Variants in FGF13 observed in about 807,000 individuals in gnomAD.
FGF13 encodes the protein fibroblast growth factor homologous factor 2.
In FGF13, 2 loss-of-function variants were observed where a neutral mutation model predicts 19.5. The observed-to-expected ratio is 0.10, with a 90% CI of 0.04 to 0.32. The LOEUF (loss-of-function observed/expected upper bound fraction) is 0.32, where lower values mean the gene tolerates loss of function less well. Among genes scored for constraint, FGF13 ranks in the 10% least tolerant of loss-of-function variants. The pLI is 1.00. For synonymous variants in FGF13, 72 were observed against 76.9 expected, an observed-to-expected ratio of 0.94 and a Z score of 0.33; for missense variants, 113 against 192.7, an observed-to-expected ratio of 0.59 and a Z score of 2.45.
At chrX:138,642,550 G>C (rs1046254170) in intron 3 of FGF13, among the ~76,000 whole-genome samples, 1 of 111,306 alleles carries the variant, frequency 9.0e-6, no homozygotes, top group Non-Finnish European at 1.9e-5. Flanking sequence ...CTGATAATAC[G>C]GGCCCAGAAA....
At chrX:139,019,630 G>A (rs1287314055) in intron 1 of FGF13, among the ~76,000 whole-genome samples, 1 of 110,624 alleles carries the variant, frequency 9.0e-6, no homozygotes, top group Non-Finnish European at 1.9e-5. Flanking sequence ...TATAACTGAG[G>A]ATAACTTTTC....
chrX:138,673,438 G>A (rs2031759104), intron 3 of FGF13, among the ~76,000 whole-genome samples: 1 of 110,788 alleles, frequency 9.0e-6, no homozygotes, highest in African/African-American at 3.3e-5. Context: ...ACACACATGG[G>A]GATATGTGGG....
intron 3 of FGF13, among the ~76,000 whole-genome samples, chrX:138,752,841 T>A (rs1399510230): frequency 1.2e-4 from 13 of 112,242 alleles, no homozygotes; most frequent in Non-Finnish European, 2.3e-4. Context: ...ACAATTTATT[T>A]TCCAGACATT....
chrX:139,068,939 C>T (rs1425280055), intron 1 of FGF13, among the ~76,000 whole-genome samples: 3 of 109,840 alleles, frequency 2.7e-5, no homozygotes, highest in South Asian at 4.0e-4. Flanking sequence ...GTTAGAATGG[C>T]AATCATTAAA....
At chrX:138,717,854 C>T (rs141601093) in intron 1 of FGF13, among the ~76,000 whole-genome samples, 10 of 111,325 alleles carry the variant, frequency 9.0e-5, no homozygotes, top group African/African-American at 3.3e-4. Context: ...TTCAAGTGAT[C>T]CTCCCGCCTT....
At chrX:138,728,084 A>G (rs763499088) in intron 1 of FGF13, among the ~76,000 whole-genome samples, 1 of 111,910 alleles carries the variant, frequency 8.9e-6, no homozygotes, top group South Asian at 3.7e-4. Context: ...CATGCAGTAA[A>G]ATATAAACAC....
In FGF13 at chrX:138,704,442, G is replaced by A. The variant is rs1239636309; in HGVS notation, c.299-1355C>T. ...TCAGGAGTCGTAGACCAATGTTGAT[G>A]ATTTTGCCTTGTTTTGTAAGTTTAT... is the stretch of plus-strand genomic sequence containing the variant. On this transcript the variant is annotated intron_variant, in intron 2 of 4. Transcript: ENST00000315930. 9.8e-5 allele frequency among the ~76,000 whole-genome samples: 11 copies of A among 112,622 alleles called. No individual in the cohort carries two copies. The Admixed American group carries it at 1.0e-3, about 11-fold the overall frequency.
chrX:139,118,753 G>A (rs1229290345), intron 1 of FGF13, among the ~76,000 whole-genome samples: 1 of 111,494 alleles, frequency 9.0e-6, no homozygotes, highest in Non-Finnish European at 1.9e-5. Flanking sequence ...GCCTTTGCCA[G>A]TATCTAAACC....
At chrX:139,163,391 AG>A (rs2084052288) in intron 1 of FGF13, among the ~76,000 whole-genome samples, 1 of 109,358 alleles carries the variant, frequency 9.1e-6, no homozygotes, top group Non-Finnish European at 1.9e-5. Flanking sequence ...GGGGCCTGTC[AG>A]GGGGTGGGGG....
chrX:139,084,506 G>T (rs188171975), intron 1 of FGF13, among the ~76,000 whole-genome samples: 1 of 111,430 alleles, frequency 9.0e-6, no homozygotes, highest in East Asian at 2.8e-4. Context: ...CTTTGCATTC[G>T]CCTGTTTAGC....
chrX:138,635,414 T>C (rs367939424), intron 4 of FGF13, 43 bp downstream of exon 4: 16 of 1,129,826 alleles, frequency 1.4e-5, no homozygotes, highest in African/African-American at 7.2e-5. Context: ...TAAATAAGTA[T>C]ATTTAGTAGC....
chrX:138,661,226 A>G (rs1364233140), intron 3 of FGF13, among the ~76,000 whole-genome samples: 1 of 111,765 alleles, frequency 8.9e-6, no homozygotes, highest in Non-Finnish European at 1.9e-5. Context: ...TGTACTCTAA[A>G]CAAATAAGAG....
At chrX:138,865,028 G>A (rs768405639) in intron 1 of FGF13, among the ~76,000 whole-genome samples, 2 of 111,790 alleles carry the variant, frequency 1.8e-5, no homozygotes, top group Non-Finnish European at 3.8e-5. Flanking sequence ...TTCTAATTGA[G>A]GTGGTTTGGG....
At chrX:138,751,898 A>G (rs1455416985) in intron 3 of FGF13, among the ~76,000 whole-genome samples, 1 of 111,984 alleles carries the variant, frequency 8.9e-6, no homozygotes, top group African/African-American at 3.3e-5. Flanking sequence ...TTTATGCCTC[A>G]CAACAACCCC....
rs190732264 is a variant in FGF13 at position 138,908,935 on chromosome X, G to A, written c.-112-44285C>T. Among the ~76,000 whole-genome samples the A allele has an allele frequency of 3.8e-3, 421 of 112,008 alleles. 1 individual carries two copies. The highest frequency in any genetic ancestry group is 7.0e-3 in the Non-Finnish European group (375 of 53,243). On this transcript the variant is annotated intron_variant, in intron 1 of 2. Transcript: ENST00000421460. Reference sequence around the variant, plus strand: ...GTCCATCAGACATACACAGAACATAGTACATCAATTATCTCCTTGAATCAC... The same window carrying A: ...GTCCATCAGACATACACAGAACATAATACATCAATTATCTCCTTGAATCAC...
rs761522964 is a variant in FGF13, at chrX:138,829,385, T to C, written c.217+28127A>G. On this transcript the variant is annotated intron_variant, in intron 3 of 6. Coordinates refer to the FGF13 transcript ENST00000436198. Reference sequence around the variant, plus strand: ...TCCCAAGAGAGCTGGTTGTTATAAATAGCCTGGCACCTCTTCCCCTTCTCT... The same window carrying C: ...TCCCAAGAGAGCTGGTTGTTATAAACAGCCTGGCACCTCTTCCCCTTCTCT... 2.7e-5 allele frequency among the ~76,000 whole-genome samples: 3 copies of C among 110,822 alleles called. No individual in the cohort carries two copies. In the East Asian group the frequency reaches 8.6e-4, roughly 32 times the overall value.
chrX:139,163,353 G>A (rs1328678629), intron 1 of FGF13, among the ~76,000 whole-genome samples: 1 of 110,514 alleles, frequency 9.0e-6, no homozygotes, highest in Non-Finnish European at 1.9e-5. Flanking sequence ...GAGAACACAT[G>A]GACACAGGAA....
At chrX:138,957,230 G>A (rs2091845437) in intron 1 of FGF13, among the ~76,000 whole-genome samples, 1 of 111,953 alleles carries the variant, frequency 8.9e-6, no homozygotes, top group Admixed American at 9.5e-5. Context: ...GTAGTGAGAA[G>A]AAACAATTAA....
At chrX:139,002,935 A>C (rs1368991560) in intron 1 of FGF13, among the ~76,000 whole-genome samples, 2 of 111,971 alleles carry the variant, frequency 1.8e-5, no homozygotes, top group African/African-American at 6.5e-5. Flanking sequence ...ACTTCAGGTA[A>C]TATACAGCAA....
Sources: gnomAD v4.1 joint callset for allele counts (sites outside exome capture counted in the v4.1 genomes callset) on GRCh38, gnomAD v4.1.1 for gene constraint, MANE v1.5 for transcripts, NCBI Gene and HGNC (gene_info 2026-07-23, HGNC 2026-07-21) for gene names.